FCN2: variants seen among roughly 807,000 people sequenced by gnomAD.
FCN2 encodes the protein ficolin 2.
Under a neutral mutation model 32.5 loss-of-function variants are expected in FCN2, and 31 were observed. That is an observed-to-expected ratio of 0.96 (90% confidence interval 0.72 to 1.29). FCN2 has a LOEUF of 1.29. Among genes scored for constraint, FCN2 ranks in the 50% most tolerant of loss-of-function variants. The probability of loss-of-function intolerance (pLI) is 0.00; values close to 1 mark genes in which losing one functional copy is unlikely to be tolerated. For synonymous variants in FCN2, 181 were observed against 164.5 expected (o/e 1.10, Z -0.77); for missense variants, 412 against 406.5 (o/e 1.01, Z -0.12).
chr9:134,876,552 A>G (rs1830605138), upstream of FCN2, among the ~76,000 whole-genome samples: 1 of 152,092 alleles, frequency 6.6e-6, no homozygotes, highest in Non-Finnish European at 1.5e-5. Flanking sequence ...CTTAACTACA[A>G]TTTCAATTTA....
chr9:134,881,181 A>G (rs1214686909), intron 1 of FCN2, among the ~76,000 whole-genome samples: 1 of 152,178 alleles, frequency 6.6e-6, no homozygotes, highest in East Asian at 1.9e-4. Context: ...CCTGGGCCAC[A>G]TGTCCCCCTC....
intron 3 of FCN2, among the ~76,000 whole-genome samples, chr9:134,884,401 C>A (rs1830712779): frequency 6.6e-6 from 1 of 152,128 alleles, no homozygotes; most frequent in Admixed American, 6.5e-5. Context: ...TTACTGTGTC[C>A]ACCAAGATGG....
At chr9:134,873,863 A>T in the FCN2 span, among the ~76,000 whole-genome samples, 1 of 150,926 alleles carries the variant, frequency 6.6e-6, no homozygotes, top group Non-Finnish European at 1.5e-5. Context: ...TAAATGGCAG[A>T]ACTTTTTTTT....
chr9:134,885,370 A>G lies in FCN2; in HGVS notation c.429+4A>G. 1 of 1,613,200 alleles carries G rather than the reference A, an allele frequency of 6.2e-7. No homozygotes were observed. The highest frequency in any genetic ancestry group is 8.5e-7 in the Non-Finnish European group (1 of 1,179,726). On this transcript the variant is annotated splice_donor_region_variant and intron_variant, in intron 5 of 7. Transcript: ENST00000291744. ...CACGGACGGAGGGGGCTGGACCGTGAGTGTGGGGCTGGGCAGAGGCGGTCA... is the reference window on the plus strand; with the variant it reads ...CACGGACGGAGGGGGCTGGACCGTGGGTGTGGGGCTGGGCAGAGGCGGTCA...
At chr9:134,880,216 G>A (rs986856491), upstream of FCN2, among the ~76,000 whole-genome samples, 7 of 152,112 alleles carry the variant, frequency 4.6e-5, no homozygotes, top group African/African-American at 1.7e-4. Context: ...TTTCCCTCCT[G>A]TTCATGTGCC....
upstream of FCN2, among the ~76,000 whole-genome samples, chr9:134,876,461 G>T (rs1437933548): frequency 1.3e-5 from 2 of 152,098 alleles, no homozygotes; most frequent in African/African-American, 4.8e-5. Flanking sequence ...GGGCTCTCTT[G>T]TCTGTTCCAT....
At chr9:134,885,630 G>A in intron 5 of FCN2, 138 bp from the exon 6 acceptor site, 2 of 1,234,334 alleles carry the variant, frequency 1.6e-6, no homozygotes, top group Non-Finnish European at 1.1e-6. Context: ...AGTCTGTGAG[G>A]AGAACAGGTG....
chr9:134,887,073 G>A, intron 7 of FCN2, 95 bp from the exon 8 acceptor site: 1 of 1,427,136 alleles, frequency 7.0e-7, no homozygotes, highest in Non-Finnish European at 9.9e-7. Flanking sequence ...AACCATACAT[G>A]GAGGACACAC....
chr9:134,877,112 A>G (rs752300003), upstream of FCN2, among the ~76,000 whole-genome samples: 1 of 152,174 alleles, frequency 6.6e-6, no homozygotes, highest in Non-Finnish European at 1.5e-5. Context: ...TACCTTCTCA[A>G]AGAATCAGCT....
the FCN2 span, among the ~76,000 whole-genome samples, chr9:134,869,021 G>C: frequency 1.3e-5 from 2 of 152,212 alleles, no homozygotes; most frequent in African/African-American, 4.8e-5. Flanking sequence ...TTGGGACGGA[G>C]ACCGTATGAC....
the FCN2 span, among the ~76,000 whole-genome samples, chr9:134,872,307 C>T: frequency 6.6e-5 from 10 of 152,186 alleles, no homozygotes; most frequent in Admixed American, 6.5e-4. Flanking sequence ...GTGGATAGAC[C>T]ACAGCTATGT....
At chr9:134,881,769 G>A (rs1830667862) in intron 1 of FCN2, among the ~76,000 whole-genome samples, 1 of 152,204 alleles carries the variant, frequency 6.6e-6, no homozygotes, top group Non-Finnish European at 1.5e-5. Flanking sequence ...ACTCCTAGTG[G>A]CTCGTTGTGG....
At chr9:134,875,444 G>A in the FCN2 span, among the ~76,000 whole-genome samples, 1 of 152,134 alleles carries the variant, frequency 6.6e-6, no homozygotes, top group Non-Finnish European at 1.5e-5. Context: ...CCCCTTGAGT[G>A]TAGAGAGAAT....
intron 6 of FCN2, among the ~76,000 whole-genome samples, 195 bp downstream of exon 6, chr9:134,886,092 G>A (rs995470223): frequency 6.6e-6 from 1 of 152,188 alleles, no homozygotes; most frequent in East Asian, 1.9e-4. Context: ...ACGGGAGAGG[G>A]TCAGAGCTCT....
chr9:134,875,697 A>T, the FCN2 span, among the ~76,000 whole-genome samples: 310 of 152,310 alleles, frequency 2.0e-3, 2 homozygotes, highest in Non-Finnish European at 3.3e-3. Context: ...TGTATCCCTC[A>T]ATTCCTATTA....
chr9:134,880,064 T>C (rs1412083689), upstream of FCN2, among the ~76,000 whole-genome samples: 1 of 152,128 alleles, frequency 6.6e-6, no homozygotes, highest in Non-Finnish European at 1.5e-5. Flanking sequence ...GCCTCAGGGC[T>C]CAGGGGGTTC....
At chr9:134,869,926 A>G in the FCN2 span, among the ~76,000 whole-genome samples, 2 of 151,644 alleles carry the variant, frequency 1.3e-5, no homozygotes, top group Admixed American at 1.3e-4. Flanking sequence ...TAAGGGGGAC[A>G]GATGGCTGCA....
the FCN2 span, among the ~76,000 whole-genome samples, chr9:134,867,664 A>T: frequency 1.4e-5 from 1 of 72,114 alleles, no homozygotes; most frequent in Non-Finnish European, 2.7e-5. Flanking sequence ...GGGATACTTT[A>T]AAAAAAAAAA....
At position 134,885,814 on chromosome 9, in the gene FCN2, G is replaced by T; in HGVS notation, c.476G>T (p.Trp159Leu). Residue 159 changes from tryptophan (W) to leucine (L), a missense_variant, in exon 6 of 8, where the codon TGG becomes TTG. Coordinates refer to ENST00000291744, the MANE Select transcript of FCN2 (RefSeq NM_004108.3). ...GGCTCTGTGGACTTCTACCGGGACTGGGCCACGTACAAGCAGGGCTTCGGC... is the reference window on the plus strand; with the variant it reads ...GGCTCTGTGGACTTCTACCGGGACTTGGCCACGTACAAGCAGGGCTTCGGC... ...VDGSVDFYRD[W>L]ATYKQGFGSR... 1 of 1,614,014 alleles carries T rather than the reference G, an allele frequency of 6.2e-7. No homozygotes were observed. The highest frequency in any genetic ancestry group is 1.1e-5 in the South Asian group (1 of 91,084).
Sources: gnomAD v4.1 joint callset for allele counts (sites outside exome capture counted in the v4.1 genomes callset) on GRCh38, gnomAD v4.1.1 for gene constraint, MANE v1.5 for transcripts, NCBI Gene and HGNC (gene_info 2026-07-23, HGNC 2026-07-21) for gene names.